Variants in UNC13C observed in about 807,000 individuals in gnomAD.
The protein encoded by UNC13C is unc-13 homolog C.
Under a neutral mutation model 245.4 loss-of-function variants are expected in UNC13C, and 174 were observed. The ratio of observed to expected loss-of-function variants is 0.71; its 90% confidence interval spans 0.63 to 0.80. UNC13C has a LOEUF of 0.80. UNC13C is among the 30% of genes least tolerant of loss of function. UNC13C has a pLI of 0.00. For synonymous variants in UNC13C, 992 were observed against 895.1 expected (o/e 1.11, Z -1.93); for missense variants, 2,829 against 2,602.9 (o/e 1.09, Z -1.89).
At chr15:54,194,977 C>A (rs1470109074) in intron 4 of UNC13C, among the ~76,000 whole-genome samples, 1 of 152,112 alleles carries the variant, frequency 6.6e-6, no homozygotes, top group East Asian at 1.9e-4. Context: ...AGTTTGTCAT[C>A]TTTTCTCAAA....
At chr15:54,087,534 T>A (rs966988436) in intron 2 of UNC13C, among the ~76,000 whole-genome samples, 1 of 152,238 alleles carries the variant, frequency 6.6e-6, no homozygotes, top group South Asian at 2.1e-4. Context: ...GTAATCAGCA[T>A]CTGCTAATTA....
intron 17 of UNC13C, among the ~76,000 whole-genome samples, chr15:54,369,415 C>T (rs542189146): frequency 6.6e-6 from 1 of 152,196 alleles, no homozygotes; most frequent in South Asian, 2.1e-4. Flanking sequence ...TGGTAATTGA[C>T]CATTTAGATC....
At chr15:53,878,642 C>A in the UNC13C span, among the ~76,000 whole-genome samples, 1 of 151,866 alleles carries the variant, frequency 6.6e-6, no homozygotes, top group African/African-American at 2.4e-5. Context: ...TTTGGGCTTT[C>A]ACACAATAAT....
intron 19 of UNC13C, among the ~76,000 whole-genome samples, chr15:54,485,738 A>G (rs1462636560): frequency 2.6e-5 from 4 of 152,196 alleles, no homozygotes; most frequent in Non-Finnish European, 5.9e-5. Context: ...ACTTTGCTTC[A>G]GTCACACTGG....
intron 18 of UNC13C, among the ~76,000 whole-genome samples, chr15:54,406,369 C>T (rs990700308): frequency 6.6e-6 from 1 of 152,106 alleles, no homozygotes; most frequent in African/African-American, 2.4e-5. Flanking sequence ...GATCTTATTT[C>T]CTGCTTCAGA....
chr15:54,032,533 G>A (rs114573293), intron 2 of UNC13C, among the ~76,000 whole-genome samples: 2,387 of 152,068 alleles, frequency 0.016, 71 homozygotes, highest in African/African-American at 0.055. Context: ...AAAAACTCTT[G>A]CTTTTAAGAT....
At chr15:53,989,008 C>T (rs1000470292) in intron 1 of UNC13C, among the ~76,000 whole-genome samples, 7 of 151,930 alleles carry the variant, frequency 4.6e-5, no homozygotes, top group Middle Eastern at 3.2e-3. Flanking sequence ...ATATATCTTT[C>T]ACTTCTTCAT....
intron 2 of UNC13C, among the ~76,000 whole-genome samples, chr15:54,074,785 T>G (rs1375523845): frequency 6.6e-6 from 1 of 152,142 alleles, no homozygotes; most frequent in East Asian, 1.9e-4. Context: ...GGTGAGACAA[T>G]GGGGTTTTCT....
At chr15:54,060,409 C>G (rs926356706) in intron 2 of UNC13C, among the ~76,000 whole-genome samples, 1 of 152,062 alleles carries the variant, frequency 6.6e-6, no homozygotes, top group African/African-American at 2.4e-5. Context: ...AAATCAAAAC[C>G]ACAATGAGAT....
intron 2 of UNC13C, among the ~76,000 whole-genome samples, chr15:54,060,027 T>C (rs1356398493): frequency 6.6e-6 from 1 of 152,156 alleles, no homozygotes; most frequent in Non-Finnish European, 1.5e-5. Flanking sequence ...GAAGAAAACC[T>C]AGGCAATACC....
intron 4 of UNC13C, among the ~76,000 whole-genome samples, chr15:54,165,242 T>A (rs1483161771): frequency 6.6e-6 from 1 of 152,172 alleles, no homozygotes; most frequent in East Asian, 1.9e-4. Context: ...TATGAAATCA[T>A]GTTGAGTACA....
chr15:54,479,789 T>G, intron 19 of UNC13C, among the ~76,000 whole-genome samples: 1 of 152,156 alleles, frequency 6.6e-6, no homozygotes, highest in Non-Finnish European at 1.5e-5. Context: ...AGATATCATC[T>G]TTTCACTTCC....
At chr15:53,902,620 ATTAAACACT>A in the UNC13C span, among the ~76,000 whole-genome samples, 9 of 152,194 alleles carry the variant, frequency 5.9e-5, no homozygotes, top group African/African-American at 2.2e-4. Flanking sequence ...ATTAACTCAT[ATTAAACACT>A]TTCTACATGC....
rs180820041 is a variant in UNC13C at position 54,323,565 on chromosome 15, T to A, written c.4425+1470T>A. On this transcript the variant is annotated intron_variant, in intron 14 of 32. Transcript: ENST00000260323. ...GATAAAAGCTAAAAGTGTCAGTGTATAAAATATGAGAATTTTGTCTCTCCT... is the reference window on the plus strand; with the variant it reads ...GATAAAAGCTAAAAGTGTCAGTGTAAAAAATATGAGAATTTTGTCTCTCCT... Among the ~76,000 whole-genome samples, 127 of 152,104 alleles carry A rather than the reference T, an allele frequency of 8.3e-4. 1 individual carries two copies. Among genetic ancestry groups the A allele is most frequent in the African/African-American group, 2.9e-3 (121 of 41,548 alleles).
At chr15:53,879,493 T>C in the UNC13C span, among the ~76,000 whole-genome samples, 1 of 152,224 alleles carries the variant, frequency 6.6e-6, no homozygotes, top group Admixed American at 6.5e-5. Context: ...AATGCATGTA[T>C]GGAAATAGTA....
intron 19 of UNC13C, among the ~76,000 whole-genome samples, chr15:54,447,153 G>C (rs1287834149): frequency 6.6e-6 from 1 of 152,136 alleles, no homozygotes; most frequent in Non-Finnish European, 1.5e-5. Context: ...ACTTGATCAT[G>C]GTGGATAAGC....
chr15:54,142,608 T>C (rs1447176314), intron 2 of UNC13C, among the ~76,000 whole-genome samples: 1 of 152,200 alleles, frequency 6.6e-6, no homozygotes, highest in Non-Finnish European at 1.5e-5. Context: ...ATCAACAATG[T>C]TGCGAGGCAG....
At chr15:53,857,817 A>C in the UNC13C span, among the ~76,000 whole-genome samples, 42,424 of 152,124 alleles carry the variant, frequency 0.28, 7,141 homozygotes, top group Non-Finnish European at 0.36. Context: ...TTATCTGATT[A>C]ACATTTTTGG....
At chr15:54,216,417 G>A (rs868665770) in intron 4 of UNC13C, among the ~76,000 whole-genome samples, 11 of 151,948 alleles carry the variant, frequency 7.2e-5, no homozygotes, top group South Asian at 2.1e-4. Flanking sequence ...GCTAAAAAAT[G>A]TCAGGGAAAA....
Sources: allele counts gnomAD v4.1 joint callset (sites outside exome capture counted in the v4.1 genomes callset), GRCh38; gene constraint gnomAD v4.1.1; transcripts MANE v1.5; gene names NCBI Gene and HGNC (gene_info 2026-07-23, HGNC 2026-07-21).